Variants in NRG3 observed in about 807,000 individuals in gnomAD.
The protein encoded by NRG3 is pro-neuregulin-3, membrane-bound isoform.
NRG3 carries 31 observed loss-of-function variants against 66.9 expected under a neutral mutation model. That is an observed-to-expected ratio of 0.46 (90% CI 0.35 to 0.63). NRG3 has a LOEUF of 0.63. Among genes scored for constraint, NRG3 ranks in the 20% least tolerant of loss-of-function variants. The pLI, the probability that NRG3 is intolerant of heterozygous loss-of-function variation, is 0.00. For synonymous variants in NRG3, 393 were observed against 359.4 expected (o/e 1.09, Z -1.06); for missense variants, 910 against 878.9 (o/e 1.04, Z -0.45).
intron 3 of NRG3, among the ~76,000 whole-genome samples, chr10:82,844,148 A>G (rs942242800): frequency 6.6e-6 from 1 of 152,228 alleles, no homozygotes; most frequent in Non-Finnish European, 1.5e-5. Flanking sequence ...AATGGCAGAA[A>G]TTATAAAAGA....
intron 1 of NRG3, among the ~76,000 whole-genome samples, chr10:82,199,632 A>G (rs537234251): frequency 6.6e-5 from 10 of 152,140 alleles, no homozygotes; most frequent in Non-Finnish European, 1.3e-4. Flanking sequence ...TTGCACTTAC[A>G]TTAACTTCTG....
At chr10:82,194,220 T>G (rs1313997886) in intron 1 of NRG3, among the ~76,000 whole-genome samples, 1 of 151,756 alleles carries the variant, frequency 6.6e-6, no homozygotes, top group Non-Finnish European at 1.5e-5. Flanking sequence ...TATGTGTGGG[T>G]TGAAAAAAAA....
intron 1 of NRG3, among the ~76,000 whole-genome samples, chr10:82,273,874 G>C (rs1464721415): frequency 3.9e-5 from 6 of 151,926 alleles, no homozygotes; most frequent in Admixed American, 3.9e-4. Context: ...GCCCCAGAAA[G>C]AACAAAGCTT....
chr10:82,017,245 C>T (rs12254135), intron 1 of NRG3, among the ~76,000 whole-genome samples: 8,197 of 152,198 alleles, frequency 0.054, 714 homozygotes, highest in African/African-American at 0.19. Context: ...TCATCCATGT[C>T]CCTACAAAGG....
intron 1 of NRG3, among the ~76,000 whole-genome samples, chr10:82,142,646 T>C (rs1398339583): frequency 6.6e-6 from 1 of 152,064 alleles, no homozygotes; most frequent in African/African-American, 2.4e-5. Context: ...AGAAGACAGT[T>C]ACGATAGAAA....
In NRG3 at chr10:82,365,734, C is replaced by T. The variant is rs2084478529; in HGVS notation, c.953+6866C>T. 2.6e-5 allele frequency among the ~76,000 whole-genome samples: 4 copies of T among 151,880 alleles called. No individual in the cohort carries two copies. In the South Asian group the frequency reaches 8.3e-4, roughly 31 times the overall value. On this transcript the variant is annotated intron_variant, in intron 2 of 8. Transcript: ENST00000372141. The stretch of plus-strand genomic sequence containing the variant: ...AAAAAAACAAAAAAGCACATTCAAC[C>T]AACACATCATTTAGTTATTAGCCAA...
At chr10:82,394,207 CT>C (rs763246025) in intron 2 of NRG3, among the ~76,000 whole-genome samples, 1 of 152,160 alleles carries the variant, frequency 6.6e-6, no homozygotes, top group Non-Finnish European at 1.5e-5. Flanking sequence ...TCTTCTTCCT[CT>C]CTCATGTCAC....
intron 3 of NRG3, among the ~76,000 whole-genome samples, chr10:82,739,817 C>A (rs2058332811): frequency 6.6e-6 from 1 of 152,094 alleles, no homozygotes; most frequent in Non-Finnish European, 1.5e-5. Flanking sequence ...AGACACAGTT[C>A]TCTGGGAATT....
chr10:82,312,291 G>C (rs1436051412), intron 1 of NRG3, among the ~76,000 whole-genome samples: 2 of 152,184 alleles, frequency 1.3e-5, no homozygotes, highest in African/African-American at 4.8e-5. Flanking sequence ...GGCCATTGAA[G>C]GCATACTGTC....
intron 4 of NRG3, among the ~76,000 whole-genome samples, chr10:82,883,555 T>C (rs1484338265): frequency 6.6e-6 from 1 of 152,158 alleles, no homozygotes; most frequent in Non-Finnish European, 1.5e-5. Flanking sequence ...CTCTTGTAAT[T>C]GTTGAAAAGA....
chr10:82,833,963 A>G (rs2062652621), intron 3 of NRG3, among the ~76,000 whole-genome samples: 1 of 152,214 alleles, frequency 6.6e-6, no homozygotes, highest in Non-Finnish European at 1.5e-5. Context: ...GGAAAATAAT[A>G]AAGCCAATTA....
At chr10:82,679,180 A>C (rs2134106154) in intron 2 of NRG3, among the ~76,000 whole-genome samples, 1 of 152,266 alleles carries the variant, frequency 6.6e-6, no homozygotes, top group East Asian at 1.9e-4. Flanking sequence ...GAAGTGTTGG[A>C]TCTTTTCTTC....
chr10:82,561,601 C>T (rs1186691240), intron 2 of NRG3, among the ~76,000 whole-genome samples: 1 of 152,116 alleles, frequency 6.6e-6, no homozygotes, highest in African/African-American at 2.4e-5. Flanking sequence ...TGCAGTGGGC[C>T]AAGATGGCAC....
intron 2 of NRG3, among the ~76,000 whole-genome samples, chr10:82,587,009 A>G (rs2046715105): frequency 6.6e-6 from 1 of 152,196 alleles, no homozygotes; most frequent in South Asian, 2.1e-4. Flanking sequence ...GTTTCTCAAA[A>G]TGTGACCCAG....
intron 1 of NRG3, among the ~76,000 whole-genome samples, chr10:82,281,700 T>C (rs1170662015): frequency 6.6e-6 from 1 of 152,120 alleles, no homozygotes; most frequent in Non-Finnish European, 1.5e-5. Context: ...AGAGGTGCTT[T>C]CCCTGATATG....
chr10:82,552,073 A>G (rs1163905835), intron 2 of NRG3, among the ~76,000 whole-genome samples: 1 of 152,102 alleles, frequency 6.6e-6, no homozygotes, highest in African/African-American at 2.4e-5. Context: ...CTTTAGCAGG[A>G]CTGTAGGTGG....
chr10:81,891,025 C>T (rs1468147673), intron 1 of NRG3, among the ~76,000 whole-genome samples: 1 of 152,184 alleles, frequency 6.6e-6, no homozygotes, highest in African/African-American at 2.4e-5. Context: ...AAAAATAAAT[C>T]ACACATGCTG....
intron 2 of NRG3, among the ~76,000 whole-genome samples, chr10:82,529,979 C>T (rs1847099756): frequency 6.6e-6 from 1 of 151,970 alleles, no homozygotes; most frequent in African/African-American, 2.4e-5. Context: ...AGTTTTATAT[C>T]GATGTTATCA....
chr10:82,568,580 C>T (rs2045553043), intron 2 of NRG3, among the ~76,000 whole-genome samples: 1 of 151,682 alleles, frequency 6.6e-6, no homozygotes, highest in African/African-American at 2.4e-5. Context: ...GTCATCCCAT[C>T]ATTAAAAGAG....
Sources: allele counts gnomAD v4.1 joint callset (sites outside exome capture counted in the v4.1 genomes callset), GRCh38; gene constraint gnomAD v4.1.1; transcripts MANE v1.5; gene names NCBI Gene and HGNC (gene_info 2026-07-23, HGNC 2026-07-21).